The following SATL1 variants were observed in gnomAD, a reference collection of about 807,000 sequenced individuals.
SATL1 encodes spermidine/spermine N(1)-acetyltransferase-like protein 1.
SATL1 carries 47 observed loss-of-function variants against 51.8 expected under a neutral mutation model. The observed-to-expected ratio is 0.91, with a 90% CI of 0.72 to 1.16. SATL1 has a LOEUF of 1.16. Among genes scored for constraint, SATL1 ranks in the 50% most tolerant of loss-of-function variants. The pLI is 0.00. For missense variants in SATL1, 520 were observed against 526.4 expected, an observed-to-expected ratio of 0.99 and a Z score of 0.12; for synonymous variants, 176 against 182.4, an observed-to-expected ratio of 0.97 and a Z score of 0.28.
chrX:85,120,281 A>T (rs1028864870), intron 2 of SATL1, among the ~76,000 whole-genome samples: 21 of 111,549 alleles, frequency 1.9e-4, no homozygotes, highest in African/African-American at 6.8e-4. Flanking sequence ...TTGACTATTT[A>T]CTTACTGTCT....
intron 2 of SATL1, among the ~76,000 whole-genome samples, chrX:85,114,306 A>G (rs1470745363): frequency 1.8e-5 from 2 of 111,438 alleles, no homozygotes; most frequent in East Asian, 5.7e-4. Context: ...GAAAAAAAGG[A>G]TCAGCAACAT....
At chrX:85,185,616 C>T (rs1174052774) in intron 2 of SATL1, among the ~76,000 whole-genome samples, 1 of 111,721 alleles carries the variant, frequency 9.0e-6, no homozygotes, top group Admixed American at 9.5e-5. Context: ...CTACCCCAGG[C>T]CTGTGGCAAG....
rs746122189 is a variant in SATL1 at position 85,136,871 on chromosome X, G to A, written c.-312-27591C>T. On this transcript the variant is annotated intron_variant, in intron 2 of 7. Coordinates refer to ENST00000644105, the MANE Select transcript of SATL1 (RefSeq NM_001367857.2). Reference sequence around the variant, plus strand: ...AAAAATAAGTGAGCATAGGCAATGAGTGATTATTACTCTTCCAACAGGCTG... The same window carrying A: ...AAAAATAAGTGAGCATAGGCAATGAATGATTATTACTCTTCCAACAGGCTG... Among the ~76,000 whole-genome samples, 13 of 111,710 alleles carry A rather than the reference G, an allele frequency of 1.2e-4. 1 individual carries two copies. The South Asian group carries it at 4.5e-3, about 39-fold the overall frequency.
At chrX:85,194,603 G>A in intron 2 of SATL1, among the ~76,000 whole-genome samples, 1 of 110,825 alleles carries the variant, frequency 9.0e-6, no homozygotes. Flanking sequence ...ATTCACAATA[G>A]CAAAGACTTG....
chrX:85,150,223 G>C (rs1019454768), intron 2 of SATL1, among the ~76,000 whole-genome samples: 1 of 111,662 alleles, frequency 9.0e-6, no homozygotes, highest in East Asian at 2.8e-4. Context: ...AGAAGAAATG[G>C]ATAAATTCCT....
chrX:85,098,699 A>G (rs985888767), intron 4 of SATL1, among the ~76,000 whole-genome samples: 64 of 111,968 alleles, frequency 5.7e-4, no homozygotes, highest in African/African-American at 1.9e-3. Flanking sequence ...AACGCACCGT[A>G]CACAACCAAT....
At chrX:85,205,901 T>TA (rs1927782269) in intron 2 of SATL1, among the ~76,000 whole-genome samples, 2 of 111,421 alleles carry the variant, frequency 1.8e-5, no homozygotes, top group African/African-American at 6.5e-5. Flanking sequence ...ACAATGGAGA[T>TA]AGAGAGAAGT....
At chrX:85,155,385 G>A (rs1171538983) in intron 2 of SATL1, among the ~76,000 whole-genome samples, 1 of 110,982 alleles carries the variant, frequency 9.0e-6, no homozygotes, top group East Asian at 2.8e-4. Flanking sequence ...ATAACTTTGA[G>A]GTGATCACTT....
chrX:85,140,442 A>G (rs1431277303), intron 2 of SATL1, among the ~76,000 whole-genome samples: 1 of 111,936 alleles, frequency 8.9e-6, no homozygotes, highest in Admixed American at 9.5e-5. Flanking sequence ...AACCTTCCCA[A>G]GGCCACACAG....
At chrX:85,100,242 A>G (rs1291637294) in intron 4 of SATL1, among the ~76,000 whole-genome samples, 3 of 112,578 alleles carry the variant, frequency 2.7e-5, no homozygotes. Context: ...CATAGTAGAA[A>G]GGAAAAGGTA....
In SATL1 at chrX:85,108,002, G is replaced by T; in HGVS notation, c.967C>A (p.Gln323Lys). Residue 323 changes from glutamine to lysine, a missense_variant, in exon 3 of 8, where the codon CAA becomes AAA. Physicochemically the swap from Gln to Lys is moderately conservative, Grantham distance 53. This residue lies in a region of SATL1 where 488 missense variants were observed against 474.3 expected (regional missense o/e 1.03). Coordinates refer to ENST00000644105, the MANE Select transcript of SATL1 (RefSeq NM_001367857.2). ...ATGCCTGGTTGGCTCCTACCTAATT[G>T]CCATGTGCCTGGTTGTTTCATGCCA... ...QPGMKQPGTW[Q>K]LGRSQPGMWP... 1 of 1,211,632 alleles carries T rather than the reference G, an allele frequency of 8.3e-7. No individual in the cohort carries two copies. Among genetic ancestry groups the T allele is most frequent in the Non-Finnish European group, 1.1e-6 (1 of 895,525 alleles).
At chrX:85,166,641 G>T (rs938622548) in intron 2 of SATL1, among the ~76,000 whole-genome samples, 10 of 110,792 alleles carry the variant, frequency 9.0e-5, no homozygotes, top group African/African-American at 3.0e-4. Flanking sequence ...TGTTGGTGTG[G>T]ATATGGTGAA....
intron 1 of SATL1, among the ~76,000 whole-genome samples, chrX:85,231,201 A>G (rs1187175046): frequency 8.9e-6 from 1 of 112,220 alleles, no homozygotes. Context: ...TGGTATATGC[A>G]TACAAAAGAA....
At chrX:85,202,324 C>T (rs1310389253) in intron 2 of SATL1, among the ~76,000 whole-genome samples, 1 of 111,830 alleles carries the variant, frequency 8.9e-6, no homozygotes, top group Admixed American at 9.5e-5. Flanking sequence ...TCCCATTTGC[C>T]AATTTTTGCT....
intron 2 of SATL1, among the ~76,000 whole-genome samples, chrX:85,164,801 G>A (rs966484736): frequency 3.7e-5 from 4 of 106,867 alleles, no homozygotes; most frequent in Non-Finnish European, 7.7e-5. Flanking sequence ...TTCAGCTCAC[G>A]GCAACCTCTG....
intron 2 of SATL1, among the ~76,000 whole-genome samples, chrX:85,156,868 T>TATAA (rs1926611780): frequency 2.8e-5 from 2 of 70,641 alleles, no homozygotes; most frequent in African/African-American, 6.6e-5. Context: ...TATATATATA[T>TATAA]AAAATATGTA....
intron 2 of SATL1, among the ~76,000 whole-genome samples, chrX:85,208,174 T>A (rs960126226): frequency 9.0e-6 from 1 of 110,985 alleles, no homozygotes; most frequent in African/African-American, 3.3e-5. Flanking sequence ...GTCCTTGTGA[T>A]AGTCTGCTCA....
chrX:85,128,866 A>G (rs899065683), intron 2 of SATL1, among the ~76,000 whole-genome samples: 1 of 111,834 alleles, frequency 8.9e-6, no homozygotes, highest in Non-Finnish European at 1.9e-5. Context: ...TCTACATATG[A>G]CTAGCCAGTT....
chrX:85,201,167 T>A (rs1259871356), intron 2 of SATL1, among the ~76,000 whole-genome samples: 1 of 111,607 alleles, frequency 9.0e-6, no homozygotes, highest in African/African-American at 3.3e-5. Context: ...TGTGCATGTG[T>A]GTGTGCACTC....
Sources: allele counts gnomAD v4.1 joint callset (sites outside exome capture counted in the v4.1 genomes callset), GRCh38; gene constraint gnomAD v4.1.1; regional missense constraint gnomAD v4.1.1; transcripts MANE v1.5; gene names NCBI Gene and HGNC (gene_info 2026-07-23, HGNC 2026-07-21).